KAT2B: variants seen among roughly 807,000 people sequenced by gnomAD.
KAT2B encodes the protein histone acetyltransferase KAT2B.
KAT2B carries 36 observed loss-of-function variants against 105.9 expected under a neutral mutation model. That is an observed-to-expected ratio of 0.34 (90% CI 0.26 to 0.45). The LOEUF is 0.45. Ranked by LOEUF, KAT2B falls within the 20% of genes least tolerant of loss-of-function variation. The pLI is 1.00. For synonymous variants in KAT2B, 397 were observed against 377.9 expected (o/e 1.05, Z -0.59); for missense variants, 820 against 1,021.6 (o/e 0.80, Z 2.69).
intron 11 of KAT2B, among the ~76,000 whole-genome samples, chr3:20,135,733 C>T (rs1575155077): frequency 6.6e-6 from 1 of 152,146 alleles, no homozygotes; most frequent in East Asian, 1.9e-4. Context: ...TGACTATAGC[C>T]TTGATGGTGC....
intron 1 of KAT2B, among the ~76,000 whole-genome samples, chr3:20,068,066 G>A (rs747142728): frequency 1.3e-4 from 19 of 151,018 alleles, no homozygotes; most frequent in Non-Finnish European, 2.7e-4. Context: ...GCGCAATCTT[G>A]GCTCACTGCA....
intron 4 of KAT2B, among the ~76,000 whole-genome samples, chr3:20,100,626 A>G (rs1014480914): frequency 6.6e-6 from 1 of 152,212 alleles, no homozygotes; most frequent in Non-Finnish European, 1.5e-5. Flanking sequence ...ATGCATTTTT[A>G]TCAGTCAGTT....
intron 2 of KAT2B, among the ~76,000 whole-genome samples, chr3:20,081,718 A>T (rs1388723519): frequency 6.6e-6 from 1 of 152,038 alleles, no homozygotes; most frequent in Non-Finnish European, 1.5e-5. Flanking sequence ...TTCTTTAATG[A>T]TCAAATTCAG....
intron 5 of KAT2B, among the ~76,000 whole-genome samples, chr3:20,111,282 A>G (rs1699116566): frequency 6.6e-6 from 1 of 152,232 alleles, no homozygotes; most frequent in Non-Finnish European, 1.5e-5. Flanking sequence ...TAAATAGCGT[A>G]ATCAAATTTT....
chr3:20,146,531 C>A, intron 14 of KAT2B, 101 bp downstream of exon 14: 1 of 682,146 alleles, frequency 1.5e-6, no homozygotes, highest in Non-Finnish European at 2.6e-6. Context: ...GCTTTATTGC[C>A]CTGCCCGTCT....
chr3:20,059,842 G>A (rs1164332572), intron 1 of KAT2B, among the ~76,000 whole-genome samples: 1 of 152,146 alleles, frequency 6.6e-6, no homozygotes, highest in Non-Finnish European at 1.5e-5. Context: ...CTACCTTTTA[G>A]AAGATTTCCA....
Position 20,108,442 on chromosome 3 carries a change from A to C in KAT2B, c.852-3154A>C, listed in dbSNP as rs1277038468. On this transcript the variant is annotated intron_variant, in intron 5 of 17. Transcript: ENST00000263754. ...TGCAGAAGATTGGACATATTTTGTT[A>C]TTTTTAAAATTTAGGATCTGCATAA... 2.6e-5 allele frequency among the ~76,000 whole-genome samples: 4 copies of C among 152,222 alleles called. No homozygotes were observed. The East Asian group carries it at 5.8e-4, about 22-fold the overall frequency.
At chr3:20,105,370 C>A (rs1222780054) in intron 5 of KAT2B, among the ~76,000 whole-genome samples, 2 of 152,126 alleles carry the variant, frequency 1.3e-5, no homozygotes, top group African/African-American at 2.4e-5. Flanking sequence ...TCTTAAAATA[C>A]AACTGTCCAA....
rs531369790 is a variant in KAT2B at position 20,086,474 on chromosome 3, G to C, written c.431-8789G>C. Among the ~76,000 whole-genome samples the C allele has an allele frequency of 4.6e-5, 7 of 152,098 alleles. No homozygotes were observed. The East Asian group carries it at 1.4e-3, about 30-fold the overall frequency. The stretch of plus-strand genomic sequence containing the variant: ...AAATTAGCCAGGCATGGTGGTACAC[G>C]CCTATAGTCCCAGCCACTTGGAAGG... On this transcript the variant is annotated intron_variant, in intron 2 of 17. Transcript: ENST00000263754.
At chr3:20,100,728 A>G (rs1159982709) in intron 4 of KAT2B, among the ~76,000 whole-genome samples, 2 of 152,230 alleles carry the variant, frequency 1.3e-5, no homozygotes, top group African/African-American at 4.8e-5. Flanking sequence ...TATTCTGTAG[A>G]AAGATTAAAT....
intron 1 of KAT2B, among the ~76,000 whole-genome samples, chr3:20,059,574 G>A (rs1013536784): frequency 4.7e-5 from 7 of 149,590 alleles, no homozygotes; most frequent in East Asian, 2.0e-4. Context: ...GTGTGGTGGC[G>A]GGCGCCTGTA....
intron 11 of KAT2B, among the ~76,000 whole-genome samples, chr3:20,133,429 T>TC (rs11428295): frequency 0.81 from 122,632 of 152,138 alleles, 49,902 homozygotes; most frequent in East Asian, 0.97. Context: ...ATGTGACTAA[T>TC]ATTACCATAT....
intron 7 of KAT2B, 89 bp downstream of exon 7, chr3:20,115,077 T>A: frequency 1.3e-6 from 1 of 768,114 alleles, no homozygotes; most frequent in Non-Finnish European, 2.3e-6. Context: ...TACTTAGCTC[T>A]ATAGTCAAAT....
chr3:20,089,398 A>AATTTTT (rs1698674545), intron 2 of KAT2B, among the ~76,000 whole-genome samples: 1 of 126,648 alleles, frequency 7.9e-6, no homozygotes, highest in Non-Finnish European at 1.6e-5. Flanking sequence ...TGTCTTCTTC[A>AATTTTT]CTTTTTTTTT....
chr3:20,108,368 C>T (rs950791366), intron 5 of KAT2B, among the ~76,000 whole-genome samples: 2 of 152,138 alleles, frequency 1.3e-5, no homozygotes, highest in African/African-American at 4.8e-5. Context: ...AGAATCATCC[C>T]CATCATCAGT....
chr3:20,111,904 G>T, intron 6 of KAT2B, 117 bp downstream of exon 6: 1 of 797,416 alleles, frequency 1.3e-6, no homozygotes, highest in Admixed American at 3.0e-5. Flanking sequence ...ATTCCAAGGG[G>T]ATGGGAGAAA....
intron 11 of KAT2B, among the ~76,000 whole-genome samples, 176 bp downstream of exon 11, chr3:20,127,725 G>T (rs1478312495): frequency 2.0e-5 from 3 of 152,212 alleles, no homozygotes; most frequent in Non-Finnish European, 4.4e-5. Context: ...TGGCACCAGG[G>T]ACTGGTTTCA....
intron 13 of KAT2B, among the ~76,000 whole-genome samples, chr3:20,142,609 C>A (rs1699712680): frequency 6.6e-6 from 1 of 151,940 alleles, no homozygotes; most frequent in Admixed American, 6.6e-5. Flanking sequence ...GACAGGTGGA[C>A]CAAGAGTGGA....
Position 20,111,747 on chromosome 3 carries a change from C to T in KAT2B, c.1003C>T (p.Pro335Ser), listed in dbSNP as rs753562073. 6.2e-7 allele frequency: 1 copy of T among 1,613,846 alleles called. No homozygotes were observed. The highest frequency in any genetic ancestry group is 1.7e-5 in the Admixed American group (1 of 59,946). The change falls in exon 6 of 18, where the codon CCT becomes TCT. Residue 335 changes from proline (P) to serine (S), a missense_variant. Physicochemically the swap from Pro to Ser is moderately conservative, Grantham distance 74. Transcript: ENST00000263754. ...AGCAAGACAGGAAAAAGATAAACTG[C>T]CTCTTGAAAAACGAACTCTAATCCT... ...EQARQEKDKL[P>S]LEKRTLILTH...
Sources: allele counts gnomAD v4.1 joint callset (sites outside exome capture counted in the v4.1 genomes callset), GRCh38; gene constraint gnomAD v4.1.1; transcripts MANE v1.5; gene names NCBI Gene and HGNC (gene_info 2026-07-23, HGNC 2026-07-21).